KLF12: variants seen among roughly 807,000 people sequenced by gnomAD.
The protein encoded by KLF12 is Krueppel-like factor 12.
Under a neutral mutation model 37.8 loss-of-function variants are expected in KLF12, and 9 were observed. That is an observed-to-expected ratio of 0.24 (90% CI 0.14 to 0.42). KLF12 has a LOEUF of 0.42. KLF12 is among the 10% of genes least tolerant of loss of function. The probability of loss-of-function intolerance (pLI) is 1.00; values close to 1 mark genes in which losing one functional copy is unlikely to be tolerated. For missense variants in KLF12, 411 were observed against 516.0 expected (o/e 0.80, Z 1.97); for synonymous variants, 208 against 202.1 (o/e 1.03, Z -0.25).
intron 3 of KLF12, among the ~76,000 whole-genome samples, chr13:73,922,843 C>T (rs1889182969): frequency 6.6e-6 from 1 of 152,170 alleles, no homozygotes; most frequent in African/African-American, 2.4e-5. Flanking sequence ...AAATCATGCA[C>T]TAGGGCTCCT....
At chr13:73,929,470 T>A (rs1889562697) in intron 3 of KLF12, among the ~76,000 whole-genome samples, 1 of 152,112 alleles carries the variant, frequency 6.6e-6, no homozygotes, top group African/African-American at 2.4e-5. Flanking sequence ...AATCCACACA[T>A]CGTATCGCAT....
At chr13:74,125,166 TACACACACACAC>T (rs374663142) in intron 1 of KLF12, among the ~76,000 whole-genome samples, 1 of 138,804 alleles carries the variant, frequency 7.2e-6, no homozygotes, top group Non-Finnish European at 1.5e-5. Flanking sequence ...TATATATATA[TACACACACACAC>T]ACACACACAC....
intron 5 of KLF12, among the ~76,000 whole-genome samples, chr13:73,795,108 G>T (rs1881888316): frequency 1.3e-5 from 2 of 152,128 alleles, no homozygotes; most frequent in Admixed American, 6.5e-5. Flanking sequence ...GATTTTTTCT[G>T]CACAGAATTG....
chr13:73,925,464 A>G (rs560059474), intron 3 of KLF12, among the ~76,000 whole-genome samples: 2 of 152,314 alleles, frequency 1.3e-5, no homozygotes, highest in Admixed American at 1.3e-4. Context: ...TAAGCTCACT[A>G]TTAAGACCTA....
intron 6 of KLF12, among the ~76,000 whole-genome samples, chr13:73,724,978 C>T (rs911825095): frequency 6.6e-6 from 1 of 151,902 alleles, no homozygotes; most frequent in Non-Finnish European, 1.5e-5. Context: ...ACGCTATTTC[C>T]TTTTTTTTGC....
chr13:74,088,716 A>G (rs575352864), intron 1 of KLF12, among the ~76,000 whole-genome samples: 33 of 152,218 alleles, frequency 2.2e-4, no homozygotes, highest in Admixed American at 3.9e-4. Flanking sequence ...CTGCAGCCTT[A>G]AGGTCATTCA....
chr13:74,055,502 G>A (rs1298744299), intron 1 of KLF12, among the ~76,000 whole-genome samples: 1 of 152,118 alleles, frequency 6.6e-6, no homozygotes, highest in Non-Finnish European at 1.5e-5. Context: ...GTCTGATCTC[G>A]TATCACACTG....
intron 7 of KLF12, among the ~76,000 whole-genome samples, chr13:73,714,772 GGGGAACAGT>G (rs1240485789): frequency 6.6e-6 from 1 of 152,114 alleles, no homozygotes; most frequent in Non-Finnish European, 1.5e-5. Flanking sequence ...TAGATGGATG[GGGGAACAGT>G]GGCAAAGGCA....
At chr13:74,026,565 A>G (rs1892980196) in intron 1 of KLF12, among the ~76,000 whole-genome samples, 1 of 152,208 alleles carries the variant, frequency 6.6e-6, no homozygotes, top group African/African-American at 2.4e-5. Flanking sequence ...TCCATGTTAG[A>G]TACAGTTACA....
At chr13:74,006,954 A>G (rs1892424257) in intron 1 of KLF12, among the ~76,000 whole-genome samples, 1 of 152,176 alleles carries the variant, frequency 6.6e-6, no homozygotes, top group Non-Finnish European at 1.5e-5. Flanking sequence ...TCCCAGTCTC[A>G]AGAATTTACA....
chr13:74,212,890 A>G, the KLF12 span, among the ~76,000 whole-genome samples: 1 of 152,164 alleles, frequency 6.6e-6, no homozygotes, highest in Non-Finnish European at 1.5e-5. Flanking sequence ...CAAGTTTATT[A>G]ACAAAGATGG....
At chr13:73,816,980 A>T (rs971159868) in intron 4 of KLF12, among the ~76,000 whole-genome samples, 16 of 152,178 alleles carry the variant, frequency 1.1e-4, no homozygotes, top group African/African-American at 3.9e-4. Flanking sequence ...GGCTAAACCC[A>T]TGCCACATTT....
chr13:74,105,880 T>G (rs77392289), intron 1 of KLF12, among the ~76,000 whole-genome samples: 4,534 of 152,274 alleles, frequency 0.03, 215 homozygotes, highest in African/African-American at 0.1. Flanking sequence ...CACACCATGA[T>G]AGTATCAGGA....
intron 3 of KLF12, among the ~76,000 whole-genome samples, chr13:73,915,191 T>C (rs1396620925): frequency 6.6e-6 from 1 of 152,190 alleles, no homozygotes; most frequent in African/African-American, 2.4e-5. Context: ...GCCAAATCTT[T>C]TCCTGCTTCC....
Position 73,952,488 on chromosome 13 carries a change from A to C in KLF12, c.34-8418T>G, listed in dbSNP as rs371462487. ...TCATTAGAAACTGCCCCCATGATCC[A>C]ATCACCTCCCATCAGGCCCCACCTT... is the stretch of plus-strand genomic sequence containing the variant. On this transcript the variant is annotated intron_variant, in intron 2 of 7. Transcript: ENST00000377669. Among the ~76,000 whole-genome samples the C allele has an allele frequency of 5.3e-5, 8 of 152,294 alleles. No homozygotes were observed. In the East Asian group the frequency reaches 1.2e-3, roughly 22 times the overall value.
chr13:74,100,720 T>C (rs1448579625), intron 1 of KLF12, among the ~76,000 whole-genome samples: 1 of 152,170 alleles, frequency 6.6e-6, no homozygotes, highest in Non-Finnish European at 1.5e-5. Flanking sequence ...TTATGGAGTG[T>C]GTACATAAAA....
chr13:73,909,655 G>T (rs1888478650), intron 3 of KLF12, among the ~76,000 whole-genome samples: 1 of 152,140 alleles, frequency 6.6e-6, no homozygotes. Context: ...TTTAATAACT[G>T]TGATATCCAG....
chr13:74,217,195 T>C, the KLF12 span, among the ~76,000 whole-genome samples: 1 of 152,270 alleles, frequency 6.6e-6, no homozygotes, highest in Middle Eastern at 3.4e-3. Context: ...AAGGGTGGAC[T>C]TTAATGTTTA....
At chr13:74,030,754 T>A (rs1426836108) in intron 1 of KLF12, among the ~76,000 whole-genome samples, 1 of 152,230 alleles carries the variant, frequency 6.6e-6, no homozygotes, top group Non-Finnish European at 1.5e-5. Flanking sequence ...CAGGGTGACA[T>A]TTAAGATAGC....
Sources: allele counts gnomAD v4.1 joint callset (sites outside exome capture counted in the v4.1 genomes callset), GRCh38; gene constraint gnomAD v4.1.1; transcripts MANE v1.5; gene names NCBI Gene and HGNC (gene_info 2026-07-23, HGNC 2026-07-21).